The following NOS2 variants were observed in gnomAD, a reference collection of about 807,000 sequenced individuals.
NOS2 encodes the protein nitric oxide synthase 2.
NOS2 carries 96 observed loss-of-function variants against 136.0 expected under a neutral mutation model. The observed-to-expected ratio is 0.71, with a 90% CI of 0.60 to 0.84. NOS2 has a LOEUF of 0.84. NOS2 is among the 40% of genes least tolerant of loss of function. The pLI, the probability that NOS2 is intolerant of heterozygous loss-of-function variation, is 0.00. For synonymous variants in NOS2, 539 were observed against 587.5 expected (o/e 0.92, Z 1.20); for missense variants, 1,237 against 1,496.9 (o/e 0.83, Z 2.87).
chr17:27,760,584 C>T, intron 24 of NOS2, 39 bp downstream of exon 24: 2 of 1,551,264 alleles, frequency 1.3e-6, no homozygotes, highest in Non-Finnish European at 1.7e-6. Flanking sequence ...GGCGCTGGCC[C>T]CCTGGTGCCC....
intron 20 of NOS2, 92 bp downstream of exon 20, chr17:27,765,443 G>A (rs1567634059): frequency 8.4e-7 from 1 of 1,189,016 alleles, no homozygotes; most frequent in Non-Finnish European, 1.2e-6. Context: ...GGACAGGGAT[G>A]GCTGTCACCG....
At chr17:27,791,927 C>T (rs1909206072) in intron 2 of NOS2, among the ~76,000 whole-genome samples, 1 of 152,108 alleles carries the variant, frequency 6.6e-6, no homozygotes, top group Admixed American at 6.5e-5. Context: ...ACAACTGCCC[C>T]TCTTGCTCTT....
intron 4 of NOS2, 103 bp downstream of exon 4, chr17:27,788,706 T>G: frequency 2.1e-6 from 3 of 1,411,230 alleles, no homozygotes; most frequent in African/African-American, 1.4e-5. Context: ...CCCAAGCAGA[T>G]GATTGTTTGG....
In NOS2 at chr17:27,773,253, A is replaced by G. The variant is rs368588480; in HGVS notation, c.1477-10T>C. ...TTTTCCAGGCCTCTACCTTCAGAAA[A>G]GAAAGGAGATGTGAGGGCAGGGCGG... On this transcript the variant is annotated splice_polypyrimidine_tract_variant and intron_variant, in intron 12 of 26. Transcript: ENST00000313735. The G allele has an allele frequency of 5.6e-6, 9 of 1,610,068 alleles. No homozygotes were observed. Among genetic ancestry groups the G allele is most frequent in the Non-Finnish European group, 7.6e-6 (9 of 1,176,872 alleles).
intron 17 of NOS2, 42 bp from the exon 18 acceptor site, chr17:27,767,879 A>T (rs1289868747): frequency 6.2e-7 from 1 of 1,608,448 alleles, no homozygotes; most frequent in Non-Finnish European, 8.5e-7. Context: ...GGTCAGCAGC[A>T]GCAGCATCCC....
At chr17:27,791,892 G>A (rs1480125079) in intron 2 of NOS2, among the ~76,000 whole-genome samples, 1 of 152,084 alleles carries the variant, frequency 6.6e-6, no homozygotes, top group Non-Finnish European at 1.5e-5. Context: ...ATAGGAAGAT[G>A]TATGGGGGAT....
intron 14 of NOS2, among the ~76,000 whole-genome samples, 186 bp from the exon 15 acceptor site, chr17:27,771,203 C>A (rs1908484257): frequency 6.6e-6 from 1 of 152,218 alleles, no homozygotes. Flanking sequence ...ACACATCATC[C>A]TCTGTTCTCC....
chr17:27,766,101 A>G (rs1261056431), intron 19 of NOS2, among the ~76,000 whole-genome samples: 1 of 152,234 alleles, frequency 6.6e-6, no homozygotes, highest in Non-Finnish European at 1.5e-5. Context: ...GCATGCGGGG[A>G]GGACAGCACA....
rs3730016 is a variant in NOS2, at chr17:27,787,976, T to A, written c.319-150A>T. 4,898 of 752,882 alleles carry A rather than the reference T, an allele frequency of 6.5e-3. 20 individuals are homozygous for A. The highest frequency in any genetic ancestry group is 0.011 in the South Asian group (523 of 47,444). The allele number at this position is 752,882 out of a possible 1,614,324, so 46.6% of individuals were successfully genotyped here. On this transcript the variant is annotated intron_variant, in intron 4 of 26. Transcript: ENST00000313735. ...CCCCTGTGGCACCTCCTCCTTGGGG[T>A]CCACCTGGCTTTCTCCCACCTAGAT...
At chr17:27,796,346 AGGCT>A (rs1433011692) in intron 2 of NOS2, among the ~76,000 whole-genome samples, 1 of 152,184 alleles carries the variant, frequency 6.6e-6, no homozygotes, top group Non-Finnish European at 1.5e-5. Context: ...GCTACTCAGG[AGGCT>A]GAGGTGGGAG....
chr17:27,769,627 T>C (rs757352083), intron 15 of NOS2, 43 bp from the exon 16 acceptor site: 2 of 1,523,552 alleles, frequency 1.3e-6, no homozygotes, highest in South Asian at 1.1e-5. Flanking sequence ...CCAGGATGAA[T>C]AAAAACACTG....
intron 21 of NOS2, 107 bp from the exon 22 acceptor site, chr17:27,763,112 G>C (rs1267305362): frequency 1.0e-5 from 8 of 764,088 alleles, no homozygotes; most frequent in Non-Finnish European, 1.5e-5. Context: ...CAACAAACAA[G>C]TCCATGTGCC....
intron 26 of NOS2, among the ~76,000 whole-genome samples, chr17:27,757,731 C>CA (rs1401770338): frequency 6.6e-6 from 1 of 152,236 alleles, no homozygotes; most frequent in African/African-American, 2.4e-5. Context: ...TGTAGTAAAG[C>CA]AACGTGTTTG....
chr17:27,771,993 A>G (rs537878331), intron 14 of NOS2, among the ~76,000 whole-genome samples: 10 of 152,330 alleles, frequency 6.6e-5, no homozygotes, highest in African/African-American at 2.2e-4. Flanking sequence ...TTTCACATGC[A>G]GCACTGCATC....
At chr17:27,768,794 G>A (rs543329787) in intron 17 of NOS2, among the ~76,000 whole-genome samples, 183 bp downstream of exon 17, 7 of 152,316 alleles carry the variant, frequency 4.6e-5, no homozygotes, top group Admixed American at 1.3e-4. Flanking sequence ...GCTCTTCTAG[G>A]GGGCTGAGGG....
chr17:27,763,414 G>A (rs1024912649), intron 21 of NOS2, among the ~76,000 whole-genome samples: 98 of 152,296 alleles, frequency 6.4e-4, no homozygotes, highest in African/African-American at 2.1e-3. Flanking sequence ...GGAATTAAAT[G>A]AGAAAGCATG....
chr17:27,798,234 C>T (rs892218707), intron 2 of NOS2, among the ~76,000 whole-genome samples: 5 of 152,194 alleles, frequency 3.3e-5, no homozygotes, highest in African/African-American at 7.2e-5. Flanking sequence ...AGGCAGCACC[C>T]GGCAACTAGT....
At chr17:27,782,506 T>G (rs973635903) in intron 6 of NOS2, among the ~76,000 whole-genome samples, 2 of 152,210 alleles carry the variant, frequency 1.3e-5, no homozygotes, top group Non-Finnish European at 2.9e-5. Flanking sequence ...AATCGATTTC[T>G]CTGTCCAAGT....
chr17:27,768,984 G>T lies in NOS2; in HGVS notation c.2027C>A (p.Thr676Asn). Reference protein sequence around the residue: ...EDAFRSWAVQTFKAACETFDV... With the variant: ...EDAFRSWAVQNFKAACETFDV... Reference sequence around the variant, plus strand: ...CTCTGGCTGGGAACTGACCTTGAAGGTTTGCACGGCCCAGCTGCGGAAGGC... The same window carrying T: ...CTCTGGCTGGGAACTGACCTTGAAGTTTTGCACGGCCCAGCTGCGGAAGGC... The change falls in exon 17 of 27, where the codon ACC (threonine) becomes AAC (asparagine). Residue 676 changes from threonine to asparagine, a missense_variant. Physicochemically the swap from Thr to Asn is moderately conservative, Grantham distance 65. Transcript: ENST00000313735. 2 of 1,604,542 alleles carry T rather than the reference G, an allele frequency of 1.2e-6. No individual in the cohort carries two copies. Among genetic ancestry groups the T allele is most frequent in the South Asian group, 1.1e-5 (1 of 89,744 alleles).
Sources: gnomAD v4.1 joint callset for allele counts (sites outside exome capture counted in the v4.1 genomes callset) on GRCh38, gnomAD v4.1.1 for gene constraint, MANE v1.5 for transcripts, NCBI Gene and HGNC (gene_info 2026-07-23, HGNC 2026-07-21) for gene names.